The following ABCA13 variants were observed in gnomAD, a reference collection of about 807,000 sequenced individuals.
ABCA13 encodes ATP binding cassette subfamily A member 13.
Under a neutral mutation model 478.7 loss-of-function variants are expected in ABCA13, and 476 were observed. The ratio of observed to expected loss-of-function variants is 0.99; its 90% CI spans 0.92 to 1.07. ABCA13 has a LOEUF of 1.07. Ranked by LOEUF, ABCA13 falls within the 50% of genes least tolerant of loss-of-function variation. The pLI is 0.00. For missense variants in ABCA13, 6,060 were observed against 5,910.6 expected (o/e 1.03, Z -0.83); for synonymous variants, 2,252 against 2,158.9 (o/e 1.04, Z -1.20).
intron 45 of ABCA13, 82 bp downstream of exon 45, chr7:48,471,681 C>A: frequency 7.7e-7 from 1 of 1,303,130 alleles, no homozygotes; most frequent in Non-Finnish European, 1.1e-6. Context: ...ATAAAATTTT[C>A]ATATTTGTAA....
At chr7:48,602,852 A>G (rs527694046) in intron 58 of ABCA13, among the ~76,000 whole-genome samples, 29 of 152,068 alleles carry the variant, frequency 1.9e-4, no homozygotes, top group African/African-American at 6.5e-4. Context: ...GATTCTTCCT[A>G]TCCATGAGCA....
At chr7:48,266,519 T>C (rs1056531807) in intron 15 of ABCA13, among the ~76,000 whole-genome samples, 2 of 151,810 alleles carry the variant, frequency 1.3e-5, no homozygotes, top group Non-Finnish European at 3.0e-5. Flanking sequence ...TATTATTAAC[T>C]TCTTAATTTG....
At chr7:48,596,041 G>A (rs1790250515) in intron 58 of ABCA13, among the ~76,000 whole-genome samples, 1 of 152,176 alleles carries the variant, frequency 6.6e-6, no homozygotes, top group African/African-American at 2.4e-5. Flanking sequence ...ACTGATTACT[G>A]CAGCATTATT....
rs567396008 is a variant in ABCA13 at position 48,362,774 on chromosome 7, T to C, written c.10689-5020T>C. Among the ~76,000 whole-genome samples, 5 of 152,198 alleles carry C rather than the reference T, an allele frequency of 3.3e-5. No individual in the cohort carries two copies. In the South Asian group the frequency reaches 8.3e-4, roughly 25 times the overall value. On this transcript the variant is annotated intron_variant, in intron 31 of 61. Coordinates refer to ENST00000435803, the MANE Select transcript of ABCA13 (RefSeq NM_152701.5). ...TAAAATATGTTCTCTTATTTCATCA[T>C]ATATTTTCTCTTGTCCATCATGCAA...
At chr7:48,211,280 G>T (rs1056315554) in intron 3 of ABCA13, among the ~76,000 whole-genome samples, 8 of 152,166 alleles carry the variant, frequency 5.3e-5, no homozygotes, top group African/African-American at 1.9e-4. Context: ...ATTCAAAGGG[G>T]AATAAATGTT....
intron 1 of ABCA13, among the ~76,000 whole-genome samples, chr7:48,172,163 A>G (rs1464611997): frequency 1.3e-5 from 2 of 152,246 alleles, no homozygotes; most frequent in Non-Finnish European, 2.9e-5. Context: ...TTTTTGTGAA[A>G]TAGAAATCAA....
intron 41 of ABCA13, among the ~76,000 whole-genome samples, chr7:48,414,664 C>T (rs759569109): frequency 2.9e-4 from 44 of 151,428 alleles, no homozygotes; most frequent in Non-Finnish European, 6.0e-4. Context: ...TTCAGGGTTT[C>T]GTTGTGTTGC....
intron 38 of ABCA13, among the ~76,000 whole-genome samples, chr7:48,399,354 G>A (rs1458744804): frequency 1.3e-5 from 2 of 152,170 alleles, no homozygotes; most frequent in East Asian, 3.9e-4. Context: ...TGGGACAGGG[G>A]AAGGGATTTA....
At chr7:48,401,758 C>T (rs1817642088) in intron 38 of ABCA13, among the ~76,000 whole-genome samples, 1 of 151,896 alleles carries the variant, frequency 6.6e-6, no homozygotes, top group South Asian at 2.1e-4. Flanking sequence ...CACACACACA[C>T]ACACACACAC....
intron 20 of ABCA13, among the ~76,000 whole-genome samples, chr7:48,288,869 A>G (rs1385506221): frequency 6.6e-6 from 1 of 152,098 alleles, no homozygotes; most frequent in African/African-American, 2.4e-5. Context: ...TTTGTCCTAG[A>G]ATTAAAGACC....
At chr7:48,322,092 A>G (rs1054315591) in intron 27 of ABCA13, among the ~76,000 whole-genome samples, 2 of 152,202 alleles carry the variant, frequency 1.3e-5, no homozygotes, top group African/African-American at 4.8e-5. Flanking sequence ...CAGGAAATAG[A>G]GAACTACCTT....
At chr7:48,212,297 A>G (rs918234835) in intron 3 of ABCA13, among the ~76,000 whole-genome samples, 14 of 152,236 alleles carry the variant, frequency 9.2e-5, no homozygotes, top group Non-Finnish European at 1.5e-4. Flanking sequence ...ATCTTTCTCC[A>G]TGCTGCACTG....
chr7:48,342,838 G>T (rs1807450283), intron 29 of ABCA13, among the ~76,000 whole-genome samples: 2 of 151,886 alleles, frequency 1.3e-5, no homozygotes, highest in African/African-American at 4.8e-5. Flanking sequence ...TCTCTCTTCA[G>T]CTGGGTCTAA....
Position 48,279,405 on chromosome 7 carries a change from G to A in ABCA13, c.8211G>A (p.Met2737Ile), listed in dbSNP as rs370096043. 2 of 1,601,056 alleles carry A rather than the reference G, an allele frequency of 1.2e-6. No homozygotes were observed. The highest frequency in any genetic ancestry group is 1.7e-6 in the Non-Finnish European group (2 of 1,172,522). The change falls in exon 18 of 62, where the codon ATG becomes ATA. Residue 2737 changes from methionine to isoleucine, a missense_variant. Transcript: ENST00000435803. Reference sequence around the variant, plus strand: ...CAGAAATAGGATCTTTCTTGAAAATGGTGATCTGTCTCACCTTAGAAGCTC... The same window carrying A: ...CAGAAATAGGATCTTTCTTGAAAATAGTGATCTGTCTCACCTTAGAAGCTC... ...NSTEIGSFLK[M>I]VICLTLEALW...
At chr7:48,603,338 C>T (rs550776950) in intron 58 of ABCA13, among the ~76,000 whole-genome samples, 17 of 152,240 alleles carry the variant, frequency 1.1e-4, no homozygotes, top group African/African-American at 3.4e-4. Context: ...CTAGGTTTTG[C>T]GCATTCAATA....
At chr7:48,640,023 A>T (rs949714540) in intron 59 of ABCA13, among the ~76,000 whole-genome samples, 1 of 152,232 alleles carries the variant, frequency 6.6e-6, no homozygotes, top group Non-Finnish European at 1.5e-5. Context: ...TCCGGATAAC[A>T]TTCCAGAATT....
At chr7:48,190,898 A>G (rs1797017083) in intron 1 of ABCA13, among the ~76,000 whole-genome samples, 1 of 152,132 alleles carries the variant, frequency 6.6e-6, no homozygotes, top group African/African-American at 2.4e-5. Flanking sequence ...CATATTTATA[A>G]TGTCAAAAGT....
chr7:48,624,931 ATTG>A (rs1563521824), intron 59 of ABCA13, among the ~76,000 whole-genome samples: 1 of 152,144 alleles, frequency 6.6e-6, no homozygotes, highest in African/African-American at 2.4e-5. Context: ...TTTAAAGAAA[ATTG>A]TTAAGATTAT....
intron 37 of ABCA13, among the ~76,000 whole-genome samples, chr7:48,390,440 T>C (rs1233705605): frequency 6.6e-6 from 1 of 152,188 alleles, no homozygotes. Flanking sequence ...CCCAGATAGG[T>C]TTGAAAATAA....
Sources: allele counts gnomAD v4.1 joint callset (sites outside exome capture counted in the v4.1 genomes callset), GRCh38; gene constraint gnomAD v4.1.1; transcripts MANE v1.5; gene names NCBI Gene and HGNC (gene_info 2026-07-23, HGNC 2026-07-21).